Variants in CLINT1 observed in about 807,000 individuals in gnomAD.
The protein encoded by CLINT1 is clathrin interactor 1, also known as clathrin interacting protein localized in the trans-Golgi region.
Under a neutral mutation model 70.4 loss-of-function variants are expected in CLINT1, and 15 were observed. The observed-to-expected ratio is 0.21, with a 90% confidence interval of 0.14 to 0.33. The LOEUF (loss-of-function observed/expected upper bound fraction) is 0.33, where lower values mean the gene tolerates loss of function less well. Among genes scored for constraint, CLINT1 ranks in the 10% least tolerant of loss-of-function variants. CLINT1 has a pLI of 1.00. For synonymous variants in CLINT1, 227 were observed against 254.7 expected, an observed-to-expected ratio of 0.89 and a Z score of 1.04; for missense variants, 615 against 778.1, an observed-to-expected ratio of 0.79 and a Z score of 2.49.
Position 157,787,829 on chromosome 5 carries a change from A to G in CLINT1, c.1695T>C (p.Pro565=), listed in dbSNP as rs1222134232. 6.2e-7 allele frequency: 1 copy of G among 1,613,952 alleles called. No homozygotes were observed. The highest frequency in any genetic ancestry group is 8.5e-7 in the Non-Finnish European group (1 of 1,179,888). The part of the protein sequence containing the change: ...NVMTGTMGMA[P]LGNTPMMNQS... ...GGTTCATCATCGGAGTATTTCCAAG[A>G]GGGGCCATTCCCATGGTGCCAGTCA... is the stretch of plus-strand genomic sequence containing the variant. The change falls in exon 12 of 12, where the codon CCT becomes CCC. Residue 565 remains proline, a synonymous_variant. Transcript: ENST00000411809.
At chr5:157,827,679 C>T (rs1040862291) in intron 1 of CLINT1, among the ~76,000 whole-genome samples, 9 of 152,154 alleles carry the variant, frequency 5.9e-5, no homozygotes, top group African/African-American at 1.9e-4. Context: ...AAATTATGAC[C>T]TGTGGGAGGA....
At chr5:157,792,316 GAC>G (rs1305544610) in intron 9 of CLINT1, among the ~76,000 whole-genome samples, 1 of 152,118 alleles carries the variant, frequency 6.6e-6, no homozygotes, top group Non-Finnish European at 1.5e-5. Context: ...GGGAGGCCGA[GAC>G]AGGTGGATCA....
chr5:157,834,752 AT>A (rs999322574), intron 1 of CLINT1, among the ~76,000 whole-genome samples: 5 of 151,864 alleles, frequency 3.3e-5, no homozygotes, highest in African/African-American at 1.2e-4. Context: ...CCAACCCATA[AT>A]TTCCCCCTTC....
At chr5:157,827,066 C>T (rs1763063190) in intron 1 of CLINT1, among the ~76,000 whole-genome samples, 1 of 152,082 alleles carries the variant, frequency 6.6e-6, no homozygotes, top group African/African-American at 2.4e-5. Context: ...AGACTCACAT[C>T]TAAAATTTCT....
intron 8 of CLINT1, chr5:157,796,186 A>T (rs1762061447): frequency 6.6e-6 from 1 of 152,226 alleles, no homozygotes; most frequent in Non-Finnish European, 1.5e-5. Flanking sequence ...TGGGAAAAAA[A>T]TAGCTTTTTT....
chr5:157,831,878 G>A (rs1763256085), intron 1 of CLINT1, among the ~76,000 whole-genome samples: 1 of 151,960 alleles, frequency 6.6e-6, no homozygotes, highest in Non-Finnish European at 1.5e-5. Context: ...TTGTAGTAGA[G>A]ACGGGGTTGC....
At chr5:157,814,377 C>A in intron 3 of CLINT1, 84 bp from the exon 4 acceptor site, 1 of 925,998 alleles carries the variant, frequency 1.1e-6, no homozygotes, top group Non-Finnish European at 1.7e-6. Context: ...ATAATTCTAA[C>A]ATTAGCAAAT....
intron 1 of CLINT1, among the ~76,000 whole-genome samples, chr5:157,844,006 A>G (rs1282693813): frequency 6.6e-6 from 1 of 152,162 alleles, no homozygotes; most frequent in East Asian, 1.9e-4. Flanking sequence ...AAAATGAAAA[A>G]TCCTATATCT....
chr5:157,831,475 A>T (rs1401003285), intron 1 of CLINT1, among the ~76,000 whole-genome samples: 2 of 152,066 alleles, frequency 1.3e-5, no homozygotes, highest in African/African-American at 2.4e-5. Context: ...GGCATGAGCC[A>T]CCGTGCCCGG....
chr5:157,789,600 C>T (rs1337417425), intron 10 of CLINT1, 87 bp from the exon 11 acceptor site: 3 of 1,567,216 alleles, frequency 1.9e-6, no homozygotes, highest in Non-Finnish European at 2.6e-6. Context: ...AAAAATTAAG[C>T]ATCTGTTCTA....
At chr5:157,805,164 T>C (rs1281664858) in intron 7 of CLINT1, among the ~76,000 whole-genome samples, 3 of 152,222 alleles carry the variant, frequency 2.0e-5, no homozygotes, top group Admixed American at 1.3e-4. Context: ...ATCTGCTGCA[T>C]ACATTAGAAA....
chr5:157,823,505 A>C (rs1762938641), intron 1 of CLINT1, among the ~76,000 whole-genome samples: 1 of 152,198 alleles, frequency 6.6e-6, no homozygotes, highest in South Asian at 2.1e-4. Flanking sequence ...ACAGACTAAA[A>C]TATGTACACC....
At chr5:157,858,392 T>TA (rs1420924767) in intron 1 of CLINT1, among the ~76,000 whole-genome samples, 1 of 152,226 alleles carries the variant, frequency 6.6e-6, no homozygotes, top group Non-Finnish European at 1.5e-5. Flanking sequence ...AGCCACTTGT[T>TA]ACACTACTAC....
intron 10 of CLINT1, chr5:157,790,161 A>G (rs935243865): frequency 6.2e-6 from 1 of 161,484 alleles, no homozygotes; most frequent in Non-Finnish European, 1.4e-5. Flanking sequence ...AGATCGTGCC[A>G]CTGCACTCCA....
At chr5:157,803,807 T>C in intron 7 of CLINT1, 88 bp from the exon 8 acceptor site, 1 of 854,936 alleles carries the variant, frequency 1.2e-6, no homozygotes, top group Non-Finnish European at 1.7e-6. Context: ...AATTTAGACA[T>C]AAATACCTGT....
chr5:157,786,620 T>C lies in CLINT1; in HGVS notation c.*1026A>G, dbSNP rs944730915. 4.6e-5 allele frequency: 7 copies of C among 152,582 alleles called. No homozygotes were observed. The highest frequency in any genetic ancestry group is 1.7e-4 in the African/African-American group (7 of 41,446). 9.5% of individuals were successfully genotyped at this position (152,582 alleles called of 1,614,324 possible). ...CCTTTAACAATATATATTTAACTCC[T>C]CTATTGGAACCATATTGCTAATGCT... On this transcript the variant is annotated 3_prime_UTR_variant, in exon 12 of 12. Coordinates refer to ENST00000411809, the MANE Select transcript of CLINT1 (RefSeq NM_014666.4).
intron 5 of CLINT1, among the ~76,000 whole-genome samples, chr5:157,812,157 G>A (rs74932975): frequency 6.9e-6 from 1 of 144,138 alleles, no homozygotes; most frequent in South Asian, 2.2e-4. Context: ...GAAAGCAGAG[G>A]AATAAATGAG....
chr5:157,807,632 C>T (rs1049257378), intron 6 of CLINT1, among the ~76,000 whole-genome samples: 6 of 152,058 alleles, frequency 3.9e-5, no homozygotes, highest in African/African-American at 7.2e-5. Context: ...ATCATTATCA[C>T]GATAAATCAT....
intron 3 of CLINT1, among the ~76,000 whole-genome samples, chr5:157,815,066 A>G (rs1195613788): frequency 6.6e-6 from 1 of 151,900 alleles, no homozygotes; most frequent in Admixed American, 6.6e-5. Flanking sequence ...CCAAAAAATA[A>G]TAATTTAAAC....
Sources: gnomAD v4.1 joint callset for allele counts (sites outside exome capture counted in the v4.1 genomes callset) on GRCh38, gnomAD v4.1.1 for gene constraint, MANE v1.5 for transcripts, NCBI Gene and HGNC (gene_info 2026-07-23, HGNC 2026-07-21) for gene names.